SPATS1: variants seen among roughly 807,000 people sequenced by gnomAD.
SPATS1 encodes spermatogenesis associated serine rich 1.
SPATS1 carries 23 observed loss-of-function variants against 33.6 expected under a neutral mutation model. The observed-to-expected ratio is 0.68, with a 90% CI of 0.49 to 0.97. SPATS1 has a LOEUF of 0.97. SPATS1 is among the 50% of genes least tolerant of loss of function. The probability of loss-of-function intolerance (pLI) is 0.00; values close to 1 mark genes in which losing one functional copy is unlikely to be tolerated. For missense variants in SPATS1, 327 were observed against 361.0 expected (o/e 0.91, Z 0.76); for synonymous variants, 131 against 125.6 (o/e 1.04, Z -0.29).
At chr6:44,350,990 G>A (rs984580315) in intron 2 of SPATS1, among the ~76,000 whole-genome samples, 3 of 151,786 alleles carry the variant, frequency 2.0e-5, no homozygotes, top group Non-Finnish European at 4.4e-5. Context: ...CAGGCATGGT[G>A]GCGAGTGCCT....
chr6:44,372,244 C>T (rs551011614), intron 7 of SPATS1, among the ~76,000 whole-genome samples: 5 of 141,384 alleles, frequency 3.5e-5, no homozygotes, highest in Non-Finnish European at 6.0e-5. Flanking sequence ...CAGAGTGAGA[C>T]TCCATCTCAA....
chr6:44,351,377 C>T (rs927247524), intron 2 of SPATS1, among the ~76,000 whole-genome samples: 1 of 151,962 alleles, frequency 6.6e-6, no homozygotes, highest in African/African-American at 2.4e-5. Context: ...GGTCCTGGAA[C>T]CAATCCCCCG....
intron 6 of SPATS1, among the ~76,000 whole-genome samples, chr6:44,369,378 C>T (rs927449221): frequency 7.3e-5 from 11 of 151,612 alleles, no homozygotes; most frequent in African/African-American, 1.7e-4. Context: ...GGTAAAATCC[C>T]GTGTCTACTA....
At chr6:44,367,974 T>C (rs1198162378) in intron 5 of SPATS1, among the ~76,000 whole-genome samples, 1 of 152,132 alleles carries the variant, frequency 6.6e-6, no homozygotes, top group Non-Finnish European at 1.5e-5. Context: ...CTGGACCCAG[T>C]CAGAGAGGCA....
intron 5 of SPATS1, among the ~76,000 whole-genome samples, chr6:44,363,311 AT>A (rs1224849324): frequency 6.6e-6 from 1 of 151,452 alleles, no homozygotes; most frequent in African/African-American, 2.4e-5. Context: ...TGCCCGGCTG[AT>A]TTTTCTATTT....
At position 44,364,608 on chromosome 6, in the gene SPATS1, G is replaced by A. The variant is rs577466854; in HGVS notation, c.574+2616G>A. Among the ~76,000 whole-genome samples, 7 of 152,182 alleles carry A rather than the reference G, an allele frequency of 4.6e-5. 1 individual carries two copies. In the South Asian group the frequency reaches 1.5e-3, roughly 32 times the overall value. ...ACAGTGACTTCTTTAAACATCAAAC[G>A]CAATGGTCTTTTTCCATTTCTTCTC... On this transcript the variant is annotated intron_variant, in intron 5 of 8. Coordinates refer to ENST00000674044, the MANE Select transcript of SPATS1 (RefSeq NM_001372081.1).
At chr6:44,342,973 C>G in intron 1 of SPATS1, 123 bp from the exon 2 acceptor site, 2 of 1,326,300 alleles carry the variant, frequency 1.5e-6, no homozygotes. Context: ...GTTTAGAGGC[C>G]AGTCCTGCCC....
chr6:44,354,895 G>A (rs191534344), intron 3 of SPATS1, among the ~76,000 whole-genome samples: 19 of 152,234 alleles, frequency 1.2e-4, no homozygotes, highest in Non-Finnish European at 2.4e-4. Context: ...ACTCACTGCA[G>A]CCCTGACCTC....
At chr6:44,350,194 A>G (rs1788151568) in intron 2 of SPATS1, among the ~76,000 whole-genome samples, 1 of 152,218 alleles carries the variant, frequency 6.6e-6, no homozygotes. Flanking sequence ...TGTAGGTCTG[A>G]GTCAGAGCCC....
At position 44,360,497 on chromosome 6, in the gene SPATS1, C is replaced by T; in HGVS notation, c.339C>T (p.Ser113=). ...RKLSFSHSDH[S]SEMSLPEVQK... is the part of the protein sequence containing the mutation. ...TCTCCTTCTCACATTCTGATCACTC[C>T]TCTGAAATGTCGTTGCCTGAAGTCC... The change falls in exon 4 of 9, where the codon TCC becomes TCT. Residue 113 remains serine (S), a synonymous_variant. Coordinates refer to ENST00000674044, the MANE Select transcript of SPATS1 (RefSeq NM_001372081.1). The T allele has an allele frequency of 1.2e-6, 2 of 1,614,136 alleles. No homozygotes were observed. The highest frequency in any genetic ancestry group is 1.7e-6 in the Non-Finnish European group (2 of 1,180,016).
At chr6:44,367,164 T>A (rs1789298889) in intron 5 of SPATS1, among the ~76,000 whole-genome samples, 1 of 152,220 alleles carries the variant, frequency 6.6e-6, no homozygotes, top group South Asian at 2.1e-4. Flanking sequence ...CTCGGCTTAC[T>A]GCAACCTCCG....
chr6:44,376,363 C>A lies in SPATS1; in HGVS notation c.764C>A (p.Pro255His). Residue 255 changes from proline (P) to histidine (H), a missense_variant, in exon 8 of 9, where the codon CCT (proline) becomes CAT (histidine). By Grantham distance (77) the Pro-to-His change is moderately conservative. Transcript: ENST00000674044. ...GTGTTGTCTTCTTCCCACAGCTTGCCTTTCTGGGTGAAGGAGAAGGCCAAC... is the reference window on the plus strand; with the variant it reads ...GTGTTGTCTTCTTCCCACAGCTTGCATTTCTGGGTGAAGGAGAAGGCCAAC... ...LEPLPQIPNLPFWVKEKANSL... is the reference protein window; with the variant it reads ...LEPLPQIPNLHFWVKEKANSL... 1 of 1,611,722 alleles carries A rather than the reference C, an allele frequency of 6.2e-7. No homozygotes were observed. Among genetic ancestry groups the A allele is most frequent in the South Asian group, 1.1e-5 (1 of 90,276 alleles).
intron 2 of SPATS1, among the ~76,000 whole-genome samples, chr6:44,345,823 G>A (rs1232029239): frequency 6.6e-6 from 1 of 152,070 alleles, no homozygotes. Context: ...CAAATGACAT[G>A]CACTTCTCAT....
intron 2 of SPATS1, among the ~76,000 whole-genome samples, chr6:44,347,958 C>T (rs1338977226): frequency 6.6e-6 from 1 of 151,308 alleles, no homozygotes; most frequent in Non-Finnish European, 1.5e-5. Context: ...GTAAATTTAT[C>T]TCTATTTTAT....
intron 7 of SPATS1, among the ~76,000 whole-genome samples, chr6:44,375,671 G>C (rs917521237): frequency 6.6e-6 from 1 of 152,136 alleles, no homozygotes; most frequent in African/African-American, 2.4e-5. Flanking sequence ...TTAGCTGGGC[G>C]TGGTGTCATG....
chr6:44,351,070 C>A (rs1374141336), intron 2 of SPATS1, among the ~76,000 whole-genome samples: 1 of 135,398 alleles, frequency 7.4e-6, no homozygotes, highest in African/African-American at 2.8e-5. Flanking sequence ...TGGCAGTGAG[C>A]TGAGATCACA....
chr6:44,375,328 G>A (rs1789865469), intron 7 of SPATS1, among the ~76,000 whole-genome samples: 1 of 152,184 alleles, frequency 6.6e-6, no homozygotes, highest in Non-Finnish European at 1.5e-5. Flanking sequence ...GCAAGAAGAG[G>A]GATCACAGTT....
At chr6:44,362,868 C>T (rs1199292128) in intron 5 of SPATS1, among the ~76,000 whole-genome samples, 2 of 150,664 alleles carry the variant, frequency 1.3e-5, no homozygotes, top group Non-Finnish European at 3.0e-5. Context: ...GACGGAGTTT[C>T]GCTCTTGTTG....
intron 2 of SPATS1, among the ~76,000 whole-genome samples, chr6:44,347,870 C>T (rs903760087): frequency 2.0e-5 from 3 of 152,160 alleles, no homozygotes; most frequent in African/African-American, 7.2e-5. Context: ...CATTAGACTA[C>T]ATTTTATAAA....
Sources: gnomAD v4.1 joint callset for allele counts (sites outside exome capture counted in the v4.1 genomes callset) on GRCh38, gnomAD v4.1.1 for gene constraint, MANE v1.5 for transcripts, NCBI Gene and HGNC (gene_info 2026-07-23, HGNC 2026-07-21) for gene names.